LYPD6B: variants seen among roughly 807,000 people sequenced by gnomAD.
LYPD6B encodes LY6/PLAUR domain containing 6B.
In LYPD6B, 17 loss-of-function variants were observed where a neutral mutation model predicts 22.8. The ratio of observed to expected loss-of-function variants is 0.75; its 90% CI spans 0.51 to 1.12. The LOEUF (loss-of-function observed/expected upper bound fraction) is 1.12, where lower values mean the gene tolerates loss of function less well. LYPD6B is among the 50% of genes most tolerant of loss of function. The pLI is 0.00. For synonymous variants in LYPD6B, 106 were observed against 91.6 expected, an observed-to-expected ratio of 1.16 and a Z score of -0.90; for missense variants, 221 against 258.3, an observed-to-expected ratio of 0.86 and a Z score of 0.99.
In LYPD6B at chr2:149,120,381, A is replaced by ATTTTT. The variant is rs1256956846; in HGVS notation, c.-66-10501_-66-10500insTTTTT. Among the ~76,000 whole-genome samples the ATTTTT allele has an allele frequency of 4.5e-3, 195 of 43,478 alleles. 9 individuals are homozygous for ATTTTT. The East Asian group carries it at 0.047, about 10-fold the overall frequency. 28.5% of individuals were successfully genotyped at this position (43,478 alleles called of 152,430 possible). A position where few individuals can be genotyped will look rare whatever the true frequency, so the allele number is the denominator to read the frequency against. On this transcript the variant is annotated intron_variant, in intron 1 of 6. Coordinates refer to ENST00000409642, the MANE Select transcript of LYPD6B (RefSeq NM_177964.5). The stretch of plus-strand genomic sequence containing the variant: ...TGTGTGTATATATATATATATATAT[A>ATTTTT]TATTTTTTTTTTTTTTTTTTTGAGA...
At chr2:149,070,424 AAC>A (rs1684544103) in intron 1 of LYPD6B, among the ~76,000 whole-genome samples, 1 of 152,074 alleles carries the variant, frequency 6.6e-6, no homozygotes, top group Non-Finnish European at 1.5e-5. Context: ...ATTAATATCT[AAC>A]ACACTATAAA....
At chr2:149,048,102 A>T (rs1474894011) in intron 1 of LYPD6B, among the ~76,000 whole-genome samples, 1 of 152,156 alleles carries the variant, frequency 6.6e-6, no homozygotes, top group Admixed American at 6.5e-5. Flanking sequence ...TGATAGCTTC[A>T]GCATCTAGGT....
At position 149,152,274 on chromosome 2, in the gene LYPD6B, A is replaced by G. The variant is rs60706105; in HGVS notation, c.6-8490A>G. ...TATTCTATATATCTTTTATTGATCAAATATTTATGAGTACATGTCATATGC... is the reference window on the plus strand; with the variant it reads ...TATTCTATATATCTTTTATTGATCAGATATTTATGAGTACATGTCATATGC... On this transcript the variant is annotated intron_variant, in intron 2 of 6. Coordinates refer to ENST00000409642, the MANE Select transcript of LYPD6B (RefSeq NM_177964.5). Among the ~76,000 whole-genome samples, 719 of 152,362 alleles carry G rather than the reference A, an allele frequency of 4.7e-3. 6 individuals carry two copies. Among genetic ancestry groups the G allele is most frequent in the African/African-American group, 0.017 (697 of 41,582 alleles).
At chr2:149,196,838 G>A (rs114568345) in intron 3 of LYPD6B, among the ~76,000 whole-genome samples, 237 of 152,224 alleles carry the variant, frequency 1.6e-3, no homozygotes, top group African/African-American at 5.5e-3. Flanking sequence ...GAGGCTAAAC[G>A]AAGTCAAAAA....
chr2:149,155,131 A>G (rs1689616213), intron 2 of LYPD6B, among the ~76,000 whole-genome samples: 1 of 152,138 alleles, frequency 6.6e-6, no homozygotes, highest in Non-Finnish European at 1.5e-5. Flanking sequence ...TTGAGGCATG[A>G]TGCATGCTGA....
intron 1 of LYPD6B, among the ~76,000 whole-genome samples, chr2:149,108,831 A>G (rs775696612): frequency 4.0e-5 from 6 of 151,664 alleles, no homozygotes; most frequent in Non-Finnish European, 8.8e-5. Context: ...TAGCTTGTTT[A>G]TTGGCTGATT....
intron 3 of LYPD6B, 97 bp from the exon 4 acceptor site, chr2:149,205,156 A>G (rs1575177601): frequency 7.9e-7 from 1 of 1,258,684 alleles, no homozygotes; most frequent in Non-Finnish European, 1.1e-6. Flanking sequence ...AGATGGTTGG[A>G]TATATTTGGA....
At chr2:149,136,803 G>A (rs1186037682) in intron 2 of LYPD6B, among the ~76,000 whole-genome samples, 1 of 152,190 alleles carries the variant, frequency 6.6e-6, no homozygotes, top group African/African-American at 2.4e-5. Context: ...ATTAAAAAAT[G>A]TTTTTAGGCA....
At chr2:149,054,513 T>C (rs1683700131) in intron 1 of LYPD6B, among the ~76,000 whole-genome samples, 1 of 152,214 alleles carries the variant, frequency 6.6e-6, no homozygotes, top group African/African-American at 2.4e-5. Flanking sequence ...GGATATAAGA[T>C]TTGCAAATAT....
At chr2:149,137,759 A>G (rs1688456708) in intron 2 of LYPD6B, among the ~76,000 whole-genome samples, 2 of 152,226 alleles carry the variant, frequency 1.3e-5, no homozygotes, top group South Asian at 4.1e-4. Context: ...AAGTCTCTAT[A>G]CATATAACTT....
At chr2:149,126,214 T>G (rs1331873693) in intron 1 of LYPD6B, among the ~76,000 whole-genome samples, 3 of 152,194 alleles carry the variant, frequency 2.0e-5, no homozygotes, top group African/African-American at 7.2e-5. Flanking sequence ...CTTTTGGTAT[T>G]CTGTAGTATC....
At chr2:149,134,293 A>C (rs1287714488) in intron 2 of LYPD6B, among the ~76,000 whole-genome samples, 1 of 152,166 alleles carries the variant, frequency 6.6e-6, no homozygotes, top group African/African-American at 2.4e-5. Context: ...TTTTAACCAT[A>C]GTTTTATGAG....
chr2:149,074,989 G>A (rs888452849), intron 1 of LYPD6B, among the ~76,000 whole-genome samples: 4 of 152,084 alleles, frequency 2.6e-5, no homozygotes, highest in African/African-American at 9.7e-5. Flanking sequence ...AATATAGTGT[G>A]CTCAGTCAGT....
At position 149,106,292 on chromosome 2, in the gene LYPD6B, C is replaced by A. The variant is rs532640790; in HGVS notation, c.-66-24591C>A. On this transcript the variant is annotated intron_variant, in intron 1 of 6. Coordinates refer to ENST00000409642, the MANE Select transcript of LYPD6B (RefSeq NM_177964.5). Reference sequence around the variant, plus strand: ...TTCTGCTTTTGGTATTAGAGTAGTGCTGATTTCATGGAATAAGTATTTCTC... The same window carrying A: ...TTCTGCTTTTGGTATTAGAGTAGTGATGATTTCATGGAATAAGTATTTCTC... 1.5e-4 allele frequency among the ~76,000 whole-genome samples: 23 copies of A among 152,118 alleles called. 1 individual carries two copies. The South Asian group carries it at 3.3e-3, about 22-fold the overall frequency.
chr2:149,094,522 G>A (rs569562837), intron 1 of LYPD6B, among the ~76,000 whole-genome samples: 2 of 152,314 alleles, frequency 1.3e-5, no homozygotes, highest in African/African-American at 4.8e-5. Flanking sequence ...ACCACTTAGG[G>A]ATTAGGTTCT....
chr2:149,043,424 G>C (rs924678835), intron 1 of LYPD6B, among the ~76,000 whole-genome samples: 1 of 152,070 alleles, frequency 6.6e-6, no homozygotes, highest in Non-Finnish European at 1.5e-5. Flanking sequence ...TTACTGCCTG[G>C]AAAAAACAGA....
intron 2 of LYPD6B, among the ~76,000 whole-genome samples, chr2:149,150,943 A>C (rs1284675977): frequency 1.3e-5 from 2 of 152,070 alleles, no homozygotes; most frequent in Non-Finnish European, 2.9e-5. Context: ...TTTACTTCTA[A>C]GAGTCCTACC....
chr2:149,178,357 C>T (rs1285899972), intron 3 of LYPD6B, among the ~76,000 whole-genome samples: 1 of 152,214 alleles, frequency 6.6e-6, no homozygotes, highest in African/African-American at 2.4e-5. Flanking sequence ...ATAAAGACAA[C>T]ATCTTATCAC....
At chr2:149,184,563 T>G (rs1197669891) in intron 3 of LYPD6B, among the ~76,000 whole-genome samples, 1 of 152,224 alleles carries the variant, frequency 6.6e-6, no homozygotes, top group African/African-American at 2.4e-5. Context: ...ATTAAGGTGT[T>G]ATATTCCTGA....
Sources: allele counts gnomAD v4.1 joint callset (sites outside exome capture counted in the v4.1 genomes callset), GRCh38; gene constraint gnomAD v4.1.1; transcripts MANE v1.5; gene names NCBI Gene and HGNC (gene_info 2026-07-23, HGNC 2026-07-21).